The following M1AP variants were observed in gnomAD, a reference collection of about 807,000 sequenced individuals.
M1AP encodes the protein meiosis 1 associated protein.
In M1AP, 39 loss-of-function variants were observed where a neutral mutation model predicts 51.2. The observed-to-expected ratio is 0.76, with a 90% CI of 0.59 to 1.00. The LOEUF (loss-of-function observed/expected upper bound fraction) is 1.00, where lower values mean the gene tolerates loss of function less well. Ranked by LOEUF, M1AP falls within the 50% of genes least tolerant of loss-of-function variation. M1AP has a pLI of 0.00. For missense variants in M1AP, 545 were observed against 641.2 expected (o/e 0.85, Z 1.62); for synonymous variants, 251 against 249.2 (o/e 1.01, Z -0.07).
chr2:74,562,120 CG>C (rs1390056239), intron 8 of M1AP, 96 bp downstream of exon 8: 1 of 1,504,028 alleles, frequency 6.6e-7, no homozygotes, highest in Non-Finnish European at 8.9e-7. Context: ...CCTTCAGCTC[CG>C]CATCCATTCC....
intron 7 of M1AP, among the ~76,000 whole-genome samples, chr2:74,569,204 C>A (rs1005678269): frequency 3.3e-5 from 5 of 152,142 alleles, no homozygotes; most frequent in Admixed American, 2.0e-4. Flanking sequence ...AATTGTAGAA[C>A]TGCTAACCAA....
At chr2:74,590,195 T>C (rs924925177) in intron 4 of M1AP, among the ~76,000 whole-genome samples, 3 of 152,190 alleles carry the variant, frequency 2.0e-5, no homozygotes, top group African/African-American at 7.2e-5. Context: ...GGCTGGGAAG[T>C]CCAAGATCAA....
chr2:74,572,758 T>A (rs193293993), intron 7 of M1AP, among the ~76,000 whole-genome samples: 1 of 152,196 alleles, frequency 6.6e-6, no homozygotes, highest in Admixed American at 6.5e-5. Flanking sequence ...AGGTAAAGTA[T>A]GCAAAACACT....
chr2:74,621,624 A>T (rs923607239), intron 2 of M1AP, among the ~76,000 whole-genome samples: 12 of 151,248 alleles, frequency 7.9e-5, no homozygotes, highest in African/African-American at 1.7e-4. Flanking sequence ...TCTCTACAAA[A>T]AATAATAATA....
intron 1 of M1AP, among the ~76,000 whole-genome samples, chr2:74,644,104 A>G (rs1321796607): frequency 2.0e-5 from 3 of 152,232 alleles, no homozygotes; most frequent in Non-Finnish European, 4.4e-5. Flanking sequence ...TCTGAGAACT[A>G]AAATCATTCT....
chr2:74,562,522 G>C (rs1274112792), intron 7 of M1AP, 99 bp from the exon 8 acceptor site: 2 of 1,330,212 alleles, frequency 1.5e-6, no homozygotes, highest in Non-Finnish European at 2.1e-6. Flanking sequence ...CAGGGGTGCT[G>C]AGGAGGGCAG....
chr2:74,608,775 A>G (rs1681158409), intron 3 of M1AP, among the ~76,000 whole-genome samples: 1 of 152,228 alleles, frequency 6.6e-6, no homozygotes, highest in Non-Finnish European at 1.5e-5. Flanking sequence ...GAATTTAGCC[A>G]TTTTAATAGG....
intron 4 of M1AP, among the ~76,000 whole-genome samples, chr2:74,584,340 G>A (rs1233419084): frequency 1.3e-5 from 2 of 151,730 alleles, no homozygotes; most frequent in African/African-American, 2.4e-5. Flanking sequence ...CAGGCATGGT[G>A]GCTCATGCCT....
chr2:74,558,988 C>CA, intron 10 of M1AP, 114 bp from the exon 11 acceptor site: 1 of 1,039,482 alleles, frequency 9.6e-7, no homozygotes, highest in South Asian at 1.9e-5. Context: ...CCTGGAGTGA[C>CA]AGCCTCAAGG....
At chr2:74,635,204 T>A (rs1682917048) in intron 2 of M1AP, among the ~76,000 whole-genome samples, 1 of 152,100 alleles carries the variant, frequency 6.6e-6, no homozygotes, top group South Asian at 2.1e-4. Context: ...TATTGGGCAA[T>A]TGTGATAGTT....
chr2:74,587,019 T>G (rs975404173), intron 4 of M1AP, among the ~76,000 whole-genome samples: 2 of 149,782 alleles, frequency 1.3e-5, no homozygotes, highest in African/African-American at 2.5e-5. Flanking sequence ...AAAAAAAAAA[T>G]TTGTTAGCTA....
At chr2:74,598,929 T>C (rs970450165) in intron 4 of M1AP, among the ~76,000 whole-genome samples, 4 of 152,074 alleles carry the variant, frequency 2.6e-5, no homozygotes, top group African/African-American at 9.7e-5. Flanking sequence ...GCCATTTTCA[T>C]GTATACTTTG....
intron 1 of M1AP, among the ~76,000 whole-genome samples, chr2:74,644,537 C>CAA (rs60145444): frequency 6.0e-5 from 5 of 83,022 alleles, no homozygotes; most frequent in East Asian, 3.7e-4. Flanking sequence ...GACCCCGTCT[C>CAA]AAAAAAAAAA....
intron 7 of M1AP, among the ~76,000 whole-genome samples, chr2:74,570,020 A>G (rs1248467083): frequency 1.3e-5 from 2 of 152,112 alleles, no homozygotes; most frequent in African/African-American, 2.4e-5. Context: ...GTTATGAACT[A>G]GATCCTTTTT....
chr2:74,577,830 A>G (rs1050305419), intron 5 of M1AP, among the ~76,000 whole-genome samples: 2 of 152,198 alleles, frequency 1.3e-5, no homozygotes, highest in Admixed American at 1.3e-4. Flanking sequence ...AGCTGTGTTC[A>G]TCTGGCAGAG....
chr2:74,583,551 A>AGGG (rs1573094980), intron 4 of M1AP, among the ~76,000 whole-genome samples: 2 of 152,180 alleles, frequency 1.3e-5, no homozygotes, highest in East Asian at 3.8e-4. Context: ...CACAGAGCAA[A>AGGG]TAAGGGAAGA....
At chr2:74,622,325 G>A (rs1190510454) in intron 2 of M1AP, among the ~76,000 whole-genome samples, 1 of 151,724 alleles carries the variant, frequency 6.6e-6, no homozygotes, top group Non-Finnish European at 1.5e-5. Flanking sequence ...CTGCAACCCC[G>A]CCTCCCGAGT....
chr2:74,647,197 A>G lies in M1AP; in HGVS notation c.-53+1068T>C, dbSNP rs192937906. The G allele has an allele frequency of 1.7e-4, 172 of 984,240 alleles. No individual in the cohort carries two copies. The Middle Eastern group carries it at 2.1e-3, about 12-fold the overall frequency. 61.0% of individuals were successfully genotyped at this position (984,240 alleles called of 1,614,324 possible). ...AATCCAATATCTTTACCCTGGCCCT[A>G]AAGTTCTGCTTGTGCCTTCTGCCCA... On this transcript the variant is annotated intron_variant, in intron 1 of 10. Transcript: ENST00000421985.
At chr2:74,577,032 G>T in intron 5 of M1AP, 1 of 356,946 alleles carries the variant, frequency 2.8e-6, no homozygotes, top group Non-Finnish European at 4.1e-6. Context: ...AGGAAATCTT[G>T]CTTCTGCTGC....
Sources: gnomAD v4.1 joint callset for allele counts (sites outside exome capture counted in the v4.1 genomes callset) on GRCh38, gnomAD v4.1.1 for gene constraint, MANE v1.5 for transcripts, NCBI Gene and HGNC (gene_info 2026-07-23, HGNC 2026-07-21) for gene names.